The following ARMCX4 variants were observed in gnomAD, a reference collection of about 807,000 sequenced individuals.
The protein encoded by ARMCX4 is armadillo repeat-containing X-linked protein 4.
Under a neutral mutation model 34.7 loss-of-function variants are expected in ARMCX4, and 3 were observed. That is an observed-to-expected ratio of 0.09 (90% CI 0.04 to 0.22). The LOEUF (loss-of-function observed/expected upper bound fraction) is 0.22, where lower values mean the gene tolerates loss of function less well. ARMCX4 is among the 10% of genes least tolerant of loss of function. ARMCX4 has a pLI of 1.00. For synonymous variants in ARMCX4, 513 were observed against 632.8 expected (o/e 0.81, Z 2.84); for missense variants, 1,448 against 1,720.8 (o/e 0.84, Z 2.81).
chrX:101,530,872 A>G (rs990579439), intron 11 of ARMCX4, among the ~76,000 whole-genome samples: 2 of 112,360 alleles, frequency 1.8e-5, no homozygotes, highest in Non-Finnish European at 1.9e-5. Flanking sequence ...GAAATGATAA[A>G]TATCTGAGTA....
Position 101,491,911 on chromosome X carries a change from G to T in ARMCX4, c.3322G>T (p.Ala1108Ser). The T allele has an allele frequency of 8.6e-7, 1 of 1,156,303 alleles. No homozygotes were observed. The highest frequency in any genetic ancestry group is 1.1e-6 in the Non-Finnish European group (1 of 872,892). ...NGIGVEDWIAAERWIKFRFQT... is the reference protein window; with the variant it reads ...NGIGVEDWIASERWIKFRFQT... ...GATTGGTGTTGAAGACTGGATTGCT[G>T]CTGAGCGGTGGATCAAATTTAGGTT... The change falls in exon 6 of 6, where the codon GCT becomes TCT. Residue 1108 changes from alanine to serine, a missense_variant. This residue lies in a region of ARMCX4 where 1,343 missense variants were observed against 1,540.7 expected (regional missense o/e 0.87). Coordinates refer to ENST00000423738, the MANE Select transcript of ARMCX4 (RefSeq NM_001256155.3).
At chrX:101,514,071 G>T (rs1204670312) in intron 11 of ARMCX4, among the ~76,000 whole-genome samples, 1 of 111,196 alleles carries the variant, frequency 9.0e-6, no homozygotes, top group Non-Finnish European at 1.9e-5. Context: ...TCTGTTCATT[G>T]CCTGTTTATT....
chrX:101,511,311 C>T (rs893642194), intron 11 of ARMCX4, among the ~76,000 whole-genome samples: 5 of 111,017 alleles, frequency 4.5e-5, no homozygotes, highest in Non-Finnish European at 9.4e-5. Flanking sequence ...GGGATTTTTT[C>T]CCCTACTCTT....
chrX:101,455,994 A>C (rs1274632119), intron 4 of ARMCX4, among the ~76,000 whole-genome samples: 1 of 110,705 alleles, frequency 9.0e-6, no homozygotes, highest in Non-Finnish European at 1.9e-5. Context: ...ACATGATCTC[A>C]TTCTTTTTTT....
At chrX:101,499,056 AAG>A (rs1430491516), downstream of ARMCX4, 1 of 112,039 alleles carries the variant, frequency 8.9e-6, no homozygotes, top group Non-Finnish European at 1.9e-5. Flanking sequence ...TACACCAACA[AAG>A]AGTTTCGGGA....
chrX:101,531,674 C>T (rs1048026417), exon 12 of ARMCX4: 11 of 111,411 alleles, frequency 9.9e-5, no homozygotes, highest in African/African-American at 3.6e-4. Flanking sequence ...GAAGCTATGC[C>T]TGGACTCAAC....
intron 4 of ARMCX4, among the ~76,000 whole-genome samples, chrX:101,466,344 A>G (rs1180623917): frequency 8.9e-6 from 1 of 111,751 alleles, no homozygotes; most frequent in Admixed American, 9.6e-5. Flanking sequence ...ATAGAGTTAA[A>G]CATACACTTC....
At position 101,437,831 on chromosome X, in the gene ARMCX4, T is replaced by G. The variant is rs782084219; in HGVS notation, n.165-6221T>G. ...CACTGCTTTAAATGTGTCCCAGAGATGCTGATATGTTCTGTCTTTGTTCTC... is the reference window on the plus strand; with the variant it reads ...CACTGCTTTAAATGTGTCCCAGAGAGGCTGATATGTTCTGTCTTTGTTCTC... On this transcript the variant is annotated intron_variant and non_coding_transcript_variant, in intron 2 of 3. Coordinates refer to the ARMCX4 transcript ENST00000430461. 4.9e-4 allele frequency among the ~76,000 whole-genome samples: 55 copies of G among 112,193 alleles called. No individual in the cohort carries two copies. In the Middle Eastern group the frequency reaches 0.014, roughly 28 times the overall value.
chrX:101,439,300 C>A (rs1403439980), intron 2 of ARMCX4, among the ~76,000 whole-genome samples: 3 of 111,497 alleles, frequency 2.7e-5, no homozygotes, highest in African/African-American at 9.8e-5. Context: ...ATATTGGCCC[C>A]CACTCTCTTC....
chrX:101,486,194 A>G (rs1556006737), intron 2 of ARMCX4, 102 bp downstream of exon 2: 1 of 111,120 alleles, frequency 9.0e-6, no homozygotes, highest in African/African-American at 3.3e-5. Flanking sequence ...GGGTGGGGCT[A>G]GCTTGGGGAC....
At chrX:101,476,858 AAAAG>A (rs782761069) in intron 4 of ARMCX4, among the ~76,000 whole-genome samples, 11 of 111,756 alleles carry the variant, frequency 9.8e-5, no homozygotes, top group African/African-American at 3.6e-4. Flanking sequence ...AGATAAGAAA[AAAAG>A]AAAGCAAGAA....
intron 11 of ARMCX4, among the ~76,000 whole-genome samples, chrX:101,524,822 G>C (rs1176442070): frequency 8.9e-6 from 1 of 111,935 alleles, no homozygotes; most frequent in African/African-American, 3.2e-5. Context: ...GCCCACCACA[G>C]CTCAACGAGA....
intron 2 of ARMCX4, among the ~76,000 whole-genome samples, chrX:101,433,281 TACAC>T (rs1930412703): frequency 9.2e-6 from 1 of 108,650 alleles, no homozygotes; most frequent in East Asian, 2.9e-4. Context: ...CACATGTACG[TACAC>T]ATATACATAT....
In ARMCX4 at chrX:101,494,037, G is replaced by GA; in HGVS notation, c.5448_5449insA (p.Ala1817SerfsTer6). On this transcript the variant is annotated frameshift_variant, in exon 6 of 6. Coordinates refer to ENST00000423738, the MANE Select transcript of ARMCX4 (RefSeq NM_001256155.3). LOFTEE classifies it high-confidence loss of function. ...GGGCTGAGGCTGGGGCTGGGGCTGA[G>GA]GCTGGGGCTGGGGCTGAGGCTGGGG... 1.0e-6 allele frequency: 1 copy of GA among 994,566 alleles called. No individual in the cohort carries two copies. The highest frequency in any genetic ancestry group is 1.3e-6 in the Non-Finnish European group (1 of 749,478). 82.0% of individuals were successfully genotyped at this position (994,566 alleles called of 1,213,427 possible).
In ARMCX4 at chrX:101,491,047, G is replaced by T. The variant is rs897513093; in HGVS notation, c.2458G>T (p.Ala820Ser). The change falls in exon 6 of 6, where the codon GCT becomes TCT. Residue 820 changes from alanine (A) to serine (S), a missense_variant. By Grantham distance (99) the Ala-to-Ser change is moderately conservative. Transcript: ENST00000423738. ...GNWNAVSKAG[A>S]GMDTRGSAQP... ...TTGGAATGCTGTGTCTAAGGCAGGG[G>T]CTGGGATGGATACAAGGGGCTCTGC... 4 of 1,153,087 alleles carry T rather than the reference G, an allele frequency of 3.5e-6. No individual in the cohort carries two copies. The highest frequency in any genetic ancestry group is 4.6e-6 in the Non-Finnish European group (4 of 872,325).
chrX:101,535,366 C>T (rs1603232180), downstream of ARMCX4, among the ~76,000 whole-genome samples: 1 of 111,710 alleles, frequency 9.0e-6, no homozygotes. Flanking sequence ...GTGATTATTT[C>T]ACATTCCAAA....
chrX:101,471,219 A>G (rs1219658928), intron 4 of ARMCX4, among the ~76,000 whole-genome samples: 2 of 112,425 alleles, frequency 1.8e-5, no homozygotes, highest in Admixed American at 1.9e-4. Flanking sequence ...CATGTACTAT[A>G]TGTATATTTT....
intron 4 of ARMCX4, among the ~76,000 whole-genome samples, chrX:101,478,654 G>A (rs782322537): frequency 1.6e-3 from 181 of 111,384 alleles, no homozygotes; most frequent in Non-Finnish European, 3.0e-3. Context: ...AGAAAAAAGC[G>A]TACCACAAAG....
chrX:101,457,050 A>G (rs1932323332), intron 4 of ARMCX4, among the ~76,000 whole-genome samples: 1 of 111,790 alleles, frequency 8.9e-6, no homozygotes, highest in African/African-American at 3.2e-5. Context: ...CTGGGATTAC[A>G]GGCATATGCT....
Sources: allele counts gnomAD v4.1 joint callset (sites outside exome capture counted in the v4.1 genomes callset), GRCh38; gene constraint gnomAD v4.1.1; regional missense constraint gnomAD v4.1.1; transcripts MANE v1.5; gene names NCBI Gene and HGNC (gene_info 2026-07-23, HGNC 2026-07-21).